FER: variants seen among roughly 807,000 people sequenced by gnomAD.
FER encodes the protein tyrosine-protein kinase Fer.
In FER, 63 loss-of-function variants were observed where a neutral mutation model predicts 111.0. That is an observed-to-expected ratio of 0.57 (90% CI 0.46 to 0.70). The LOEUF (loss-of-function observed/expected upper bound fraction) is 0.70, where lower values mean the gene tolerates loss of function less well. Ranked by LOEUF, FER falls within the 30% of genes least tolerant of loss-of-function variation. The pLI is 0.00. For synonymous variants in FER, 327 were observed against 313.9 expected (o/e 1.04, Z -0.44); for missense variants, 914 against 954.0 (o/e 0.96, Z 0.55).
chr5:109,170,173 T>C (rs1209451288), intron 17 of FER, among the ~76,000 whole-genome samples: 7 of 152,134 alleles, frequency 4.6e-5, no homozygotes, highest in Admixed American at 1.3e-4. Context: ...CAAATGATTA[T>C]GGAGGAATTG....
At chr5:108,776,820 C>T (rs4448048) in intron 2 of FER, among the ~76,000 whole-genome samples, 36,745 of 152,026 alleles carry the variant, frequency 0.24, 4,697 homozygotes, top group African/African-American at 0.32. Context: ...TAACATTAAA[C>T]AAGATAGATT....
intron 17 of FER, among the ~76,000 whole-genome samples, chr5:109,179,833 G>C (rs1413127557): frequency 6.6e-6 from 1 of 152,100 alleles, no homozygotes. Context: ...TATCTGAGGG[G>C]GGGTCCTGGA....
intron 13 of FER, among the ~76,000 whole-genome samples, chr5:108,967,435 G>A (rs895844768): frequency 6.6e-6 from 1 of 152,010 alleles, no homozygotes; most frequent in Admixed American, 6.6e-5. Flanking sequence ...TAAAAGAAAG[G>A]CACCACTGAA....
Position 109,046,256 on chromosome 5 carries a change from A to C in FER, c.1830-848A>C, listed in dbSNP as rs943292197. 1.6e-4 allele frequency among the ~76,000 whole-genome samples: 25 copies of C among 152,182 alleles called. 1 individual carries two copies. The highest frequency in any genetic ancestry group is 6.5e-4 in the Admixed American group (10 of 15,286). On this transcript the variant is annotated intron_variant, in intron 15 of 19. Transcript: ENST00000281092. ...ATCAAGAAAGTATTTAACTATTACA[A>C]AATCCAATGAAATGGTTACCCTGTA...
chr5:108,892,076 T>C (rs1354365539), intron 9 of FER, among the ~76,000 whole-genome samples: 1 of 152,116 alleles, frequency 6.6e-6, no homozygotes, highest in Non-Finnish European at 1.5e-5. Context: ...TGTTGGACAT[T>C]TGGGTTGGTT....
chr5:108,929,787 G>T (rs1003073810), intron 10 of FER, among the ~76,000 whole-genome samples: 8 of 152,080 alleles, frequency 5.3e-5, no homozygotes, highest in African/African-American at 7.2e-5. Context: ...GGGGAAAAAC[G>T]TACAAAATAC....
At chr5:108,836,496 T>C (rs774342161) in intron 5 of FER, among the ~76,000 whole-genome samples, 5 of 152,148 alleles carry the variant, frequency 3.3e-5, no homozygotes, top group Non-Finnish European at 5.9e-5. Context: ...CTCATATTTA[T>C]ACATTTTTTC....
intron 17 of FER, among the ~76,000 whole-genome samples, chr5:109,104,920 T>A (rs567778825): frequency 2.0e-5 from 3 of 151,782 alleles, no homozygotes; most frequent in Non-Finnish European, 4.4e-5. Flanking sequence ...TTTTTTTGTG[T>A]TTTTAGTAGA....
At chr5:108,827,611 A>G (rs1218178288) in intron 3 of FER, among the ~76,000 whole-genome samples, 2 of 151,932 alleles carry the variant, frequency 1.3e-5, no homozygotes, top group Non-Finnish European at 2.9e-5. Context: ...ATTTGACTTT[A>G]TATTATTTGA....
intron 13 of FER, among the ~76,000 whole-genome samples, chr5:108,972,058 ATCT>A (rs757738922): frequency 1.6e-3 from 240 of 152,146 alleles, no homozygotes; most frequent in Non-Finnish European, 2.7e-3. Flanking sequence ...GAGGTTCACC[ATCT>A]TCTTTAATGT....
chr5:109,021,806 G>A (rs1767965338), intron 13 of FER, among the ~76,000 whole-genome samples: 1 of 152,004 alleles, frequency 6.6e-6, no homozygotes, highest in African/African-American at 2.4e-5. Flanking sequence ...TGTGCATTTT[G>A]TTCCTAAAAG....
In FER at chr5:108,839,793, G is replaced by T. The variant is rs561806596; in HGVS notation, c.481+3986G>T. ...GGGGTTTCACTGTGTTAGCCAGGAT[G>T]GTCGCGATCTCCTGACTTCGTGATC... On this transcript the variant is annotated intron_variant, in intron 5 of 19. Coordinates refer to ENST00000281092, the MANE Select transcript of FER (RefSeq NM_005246.4). 1.4e-3 allele frequency among the ~76,000 whole-genome samples: 215 copies of T among 151,940 alleles called. 1 individual carries two copies. Among genetic ancestry groups the T allele is most frequent in the Non-Finnish European group, 2.2e-3 (152 of 67,952 alleles).
At chr5:109,027,354 G>A (rs539358028) in intron 13 of FER, among the ~76,000 whole-genome samples, 82 of 152,172 alleles carry the variant, frequency 5.4e-4, no homozygotes, top group Non-Finnish European at 8.1e-4. Context: ...AAATGAAAAT[G>A]TTGAATTAAA....
At chr5:109,154,865 A>G (rs1239992694) in intron 17 of FER, among the ~76,000 whole-genome samples, 1 of 151,900 alleles carries the variant, frequency 6.6e-6, no homozygotes, top group African/African-American at 2.4e-5. Context: ...ACGCTATAAT[A>G]ACAAATAAAT....
chr5:108,762,223 A>G (rs1194639001), intron 1 of FER, among the ~76,000 whole-genome samples: 1 of 152,134 alleles, frequency 6.6e-6, no homozygotes, highest in African/African-American at 2.4e-5. Context: ...GCAGACACCT[A>G]TTTAACAATT....
chr5:108,964,967 A>G (rs1183033241), intron 13 of FER, among the ~76,000 whole-genome samples: 9 of 152,170 alleles, frequency 5.9e-5, no homozygotes, highest in Admixed American at 4.6e-4. Flanking sequence ...ATTTGAAAAG[A>G]CATAAGAGTG....
chr5:108,992,455 G>A (rs1763328596), intron 13 of FER, among the ~76,000 whole-genome samples: 1 of 151,722 alleles, frequency 6.6e-6, no homozygotes. Context: ...GGGGCGGCAG[G>A]GCAGAGGCGC....
chr5:109,038,214 T>A (rs1446703356), intron 14 of FER, among the ~76,000 whole-genome samples: 1 of 151,866 alleles, frequency 6.6e-6, no homozygotes, highest in Non-Finnish European at 1.5e-5. Context: ...GTATTCACTT[T>A]TTTGTCAGTG....
intron 3 of FER, among the ~76,000 whole-genome samples, chr5:108,813,241 CA>C (rs1412033775): frequency 6.6e-6 from 1 of 152,034 alleles, no homozygotes; most frequent in Non-Finnish European, 1.5e-5. Context: ...GCTGTATTAT[CA>C]TCTTACTTGT....
Sources: allele counts gnomAD v4.1 joint callset (sites outside exome capture counted in the v4.1 genomes callset), GRCh38; gene constraint gnomAD v4.1.1; transcripts MANE v1.5; gene names NCBI Gene and HGNC (gene_info 2026-07-23, HGNC 2026-07-21).